The following TEX11 variants were observed in gnomAD, a reference collection of about 807,000 sequenced individuals.
TEX11 encodes testis expressed 11, also known as testis-expressed protein 11.
Under a neutral mutation model 84.4 loss-of-function variants are expected in TEX11, and 7 were observed. That is an observed-to-expected ratio of 0.08 (90% CI 0.05 to 0.16). TEX11 has a LOEUF of 0.16. TEX11 is among the 10% of genes least tolerant of loss of function. The pLI is 1.00. For synonymous variants in TEX11, 264 were observed against 222.8 expected (o/e 1.18, Z -1.64); for missense variants, 551 against 660.5 (o/e 0.83, Z 1.82).
rs970035678 is a variant in TEX11, at chrX:70,676,087, G to C, written c.1242+2717C>G. On this transcript the variant is annotated intron_variant, in intron 15 of 29. Transcript: ENST00000374333. ...TGTATCAGAAGTCCTTGCTTTTTAA[G>C]GCTAAGTAATATTTCATTGTTTGAG... 2.7e-5 allele frequency among the ~76,000 whole-genome samples: 3 copies of C among 111,627 alleles called. No individual in the cohort carries two copies. The Admixed American group carries it at 2.8e-4, about 11-fold the overall frequency.
At chrX:70,785,686 A>G (rs1453579077) in intron 9 of TEX11, among the ~76,000 whole-genome samples, 2 of 112,272 alleles carry the variant, frequency 1.8e-5, no homozygotes, top group African/African-American at 3.2e-5. Flanking sequence ...CTCAAAAGAA[A>G]ACATTTATGC....
At chrX:70,600,384 A>T (rs990186433) in intron 24 of TEX11, among the ~76,000 whole-genome samples, 2 of 111,290 alleles carry the variant, frequency 1.8e-5, no homozygotes, top group African/African-American at 6.5e-5. Context: ...TGAGTGACCT[A>T]CAAAGAGACT....
intron 28 of TEX11, among the ~76,000 whole-genome samples, chrX:70,539,038 A>ATATATATATATATATATTT: frequency 3.6e-4 from 15 of 41,243 alleles, no homozygotes; most frequent in Admixed American, 2.7e-3. Context: ...ATATATATAT[A>ATATATATATATATATATTT]TTTTTTTTTT....
chrX:70,736,020 T>C (rs1278290027), intron 11 of TEX11, among the ~76,000 whole-genome samples: 1 of 111,599 alleles, frequency 9.0e-6, no homozygotes, highest in Admixed American at 9.6e-5. Flanking sequence ...AGACAACAGA[T>C]ATATGATTTG....
intron 9 of TEX11, among the ~76,000 whole-genome samples, chrX:70,762,007 T>G (rs1052830273): frequency 8.9e-6 from 1 of 111,949 alleles, no homozygotes; most frequent in African/African-American, 3.2e-5. Context: ...GCATGATGTA[T>G]TTAAACTGTT....
chrX:70,754,959 CA>C (rs1341701375), intron 9 of TEX11, among the ~76,000 whole-genome samples: 1 of 111,905 alleles, frequency 8.9e-6, no homozygotes, highest in African/African-American at 3.3e-5. Context: ...GCTCAGATCA[CA>C]ACACTCAAGT....
intron 25 of TEX11, among the ~76,000 whole-genome samples, chrX:70,574,319 G>A (rs1352945866): frequency 9.0e-6 from 1 of 111,528 alleles, no homozygotes; most frequent in African/African-American, 3.3e-5. Flanking sequence ...AGTAAGAAAG[G>A]TTTGAGTATC....
chrX:70,664,843 C>A (rs1179621745), intron 16 of TEX11, among the ~76,000 whole-genome samples: 1 of 75,833 alleles, frequency 1.3e-5, no homozygotes, highest in African/African-American at 5.1e-5. Context: ...GTACATCTAC[C>A]TAAGAATTAC....
In TEX11 at chrX:70,778,645, TTTTG is replaced by T. The variant is rs1288204294; in HGVS notation, c.692+28056_692+28059del. On this transcript the variant is annotated intron_variant, in intron 9 of 29. Coordinates refer to ENST00000374333, the MANE Select transcript of TEX11 (RefSeq NM_031276.3). ...ATGTTTTGTTTGTTTGTTTGTTTGT[TTTTG>T]TTTTTTGTTTGTTTGTTTGTTTTTC... Among the ~76,000 whole-genome samples, 5 of 103,796 alleles carry T rather than the reference TTTTG, an allele frequency of 4.8e-5. No individual in the cohort carries two copies. In the South Asian group the frequency reaches 1.3e-3, roughly 27 times the overall value. 90.1% of individuals were successfully genotyped at this position (103,796 alleles called of 115,157 possible).
intron 7 of TEX11, among the ~76,000 whole-genome samples, chrX:70,841,688 A>G (rs1226860533): frequency 8.9e-6 from 1 of 112,097 alleles, no homozygotes; most frequent in African/African-American, 3.2e-5. Context: ...TAATGAATCC[A>G]GGAGCTGGTT....
intron 25 of TEX11, among the ~76,000 whole-genome samples, chrX:70,559,479 TTGTC>T (rs1335010744): frequency 8.9e-6 from 1 of 112,163 alleles, no homozygotes; most frequent in African/African-American, 3.2e-5. Flanking sequence ...CCAAAATTGA[TTGTC>T]AGTGGTGGTT....
intron 13 of TEX11, among the ~76,000 whole-genome samples, chrX:70,712,071 G>C (rs1161461644): frequency 5.4e-5 from 6 of 111,170 alleles, no homozygotes; most frequent in African/African-American, 2.0e-4. Context: ...TCTTGTTTTT[G>C]TCAGGTTTGT....
chrX:70,773,478 A>G (rs1009222735), intron 9 of TEX11, among the ~76,000 whole-genome samples: 3 of 111,768 alleles, frequency 2.7e-5, no homozygotes, highest in African/African-American at 9.7e-5. Flanking sequence ...TATTTCCCAG[A>G]CAAACAAAAA....
In TEX11 at chrX:70,769,391, C is replaced by G. The variant is rs776836982; in HGVS notation, c.693-25172G>C. Among the ~76,000 whole-genome samples the G allele has an allele frequency of 4.5e-5, 5 of 111,557 alleles. No homozygotes were observed. The East Asian group carries it at 1.4e-3, about 31-fold the overall frequency. On this transcript the variant is annotated intron_variant, in intron 9 of 29. Transcript: ENST00000374333. The stretch of plus-strand genomic sequence containing the variant: ...ATCAAGAATAAAAGAAAGGACATCA[C>G]TACTGACCTTTAGAGAAAAACTATT...
chrX:70,901,621 T>C (rs924481927), intron 2 of TEX11, among the ~76,000 whole-genome samples: 1 of 112,041 alleles, frequency 8.9e-6, no homozygotes, highest in African/African-American at 3.2e-5. Context: ...TGTGAGAATC[T>C]AATGCCACTG....
rs1341808313 is a variant in TEX11, at chrX:70,599,197, T to G, written c.2067+6204A>C. ...GAAATAAAGAAAATAAAGAAATAAA[T>G]AAATAAAATAAAGAAATATTTTTCT... is the stretch of plus-strand genomic sequence containing the variant. On this transcript the variant is annotated intron_variant, in intron 24 of 29. Transcript: ENST00000374333. Among the ~76,000 whole-genome samples, 7 of 111,575 alleles carry G rather than the reference T, an allele frequency of 6.3e-5. 1 individual carries two copies. Among genetic ancestry groups the G allele is most frequent in the African/African-American group, 1.6e-4 (5 of 30,738 alleles).
At chrX:70,818,043 C>T (rs1275351304) in intron 8 of TEX11, among the ~76,000 whole-genome samples, 1 of 111,437 alleles carries the variant, frequency 9.0e-6, no homozygotes, top group East Asian at 2.8e-4. Context: ...AATCCCAGCA[C>T]TTTGGAAGGC....
At chrX:70,861,313 G>A (rs773536353) in intron 4 of TEX11, among the ~76,000 whole-genome samples, 4 of 109,024 alleles carry the variant, frequency 3.7e-5, no homozygotes, top group South Asian at 8.1e-4. Flanking sequence ...CGCCCGCCTC[G>A]GCCTCCCAAA....
chrX:70,640,161 G>A (rs1320823437), intron 17 of TEX11, among the ~76,000 whole-genome samples: 1 of 109,660 alleles, frequency 9.1e-6, no homozygotes, highest in African/African-American at 3.3e-5. Flanking sequence ...CTGGAAGAAA[G>A]GGTATCAGCA....
Sources: allele counts gnomAD v4.1 joint callset (sites outside exome capture counted in the v4.1 genomes callset), GRCh38; gene constraint gnomAD v4.1.1; transcripts MANE v1.5; gene names NCBI Gene and HGNC (gene_info 2026-07-23, HGNC 2026-07-21).